The following ALLC variants were observed in gnomAD, a reference collection of about 807,000 sequenced individuals.
ALLC encodes the protein allantoicase, also known as probable inactive allantoicase.
ALLC carries 40 observed loss-of-function variants against 45.0 expected under a neutral mutation model. That is an observed-to-expected ratio of 0.89 (90% confidence interval 0.69 to 1.16). The LOEUF is 1.16. ALLC is among the 50% of genes most tolerant of loss of function. ALLC has a pLI of 0.00. For synonymous variants in ALLC, 176 were observed against 178.1 expected (o/e 0.99, Z 0.09); for missense variants, 488 against 493.1 (o/e 0.99, Z 0.10).
At chr2:3,646,466 T>G in the ALLC span, among the ~76,000 whole-genome samples, 2 of 152,216 alleles carry the variant, frequency 1.3e-5, no homozygotes, top group African/African-American at 4.8e-5. Flanking sequence ...CTCCTTGAAT[T>G]TAATTCTCAT....
Position 3,680,089 on chromosome 2 carries a change from C to T in ALLC, c.298+95C>T, listed in dbSNP as rs1189774955. The T allele has an allele frequency of 6.5e-7, 1 of 1,549,956 alleles. No homozygotes were observed. Among genetic ancestry groups the T allele is most frequent in the Admixed American group, 1.7e-5 (1 of 58,132 alleles). On this transcript the variant is annotated intron_variant, in intron 5 of 11. Coordinates refer to ENST00000252505, the MANE Select transcript of ALLC (RefSeq NM_018436.4). The surrounding 1 kb of genome is among the most constrained non-coding windows in gnomAD (Gnocchi z 4.0). ...CCACAACTGCTCACTTTCCCTACCA[C>T]CCAGACAGCTTCAGGCGCTTGACTA...
At chr2:3,655,650 G>A (rs543323946), upstream of ALLC, among the ~76,000 whole-genome samples, 22 of 152,132 alleles carry the variant, frequency 1.4e-4, no homozygotes, top group African/African-American at 5.1e-4. Flanking sequence ...TTCAGAGATG[G>A]GGTCTCACTG....
intron 6 of ALLC, among the ~76,000 whole-genome samples, chr2:3,682,324 C>A (rs972153478): frequency 2.0e-5 from 3 of 152,124 alleles, no homozygotes; most frequent in African/African-American, 4.8e-5. Flanking sequence ...TGAATGTTCA[C>A]CTCACCACAC....
intron 1 of ALLC, among the ~76,000 whole-genome samples, chr2:3,665,941 G>A (rs1215290081): frequency 6.6e-6 from 1 of 152,172 alleles, no homozygotes; most frequent in Non-Finnish European, 1.5e-5. Context: ...TTGAGAAAGG[G>A]TATAAATGCT....
At chr2:3,695,363 T>G in intron 7 of ALLC, 1 of 254,048 alleles carries the variant, frequency 3.9e-6, no homozygotes, top group Admixed American at 5.1e-5. Flanking sequence ...ATTAGAGCTC[T>G]GGAGTAAATA....
At chr2:3,699,170 C>G (rs60852959) in intron 10 of ALLC, among the ~76,000 whole-genome samples, 1 of 151,992 alleles carries the variant, frequency 6.6e-6, no homozygotes, top group Admixed American at 6.5e-5. Context: ...TGCCTGATCT[C>G]CCTCCTCCCA....
the ALLC span, among the ~76,000 whole-genome samples, chr2:3,651,443 T>TGTGTGTGTGTGTG: frequency 3.0e-4 from 5 of 16,808 alleles, no homozygotes; most frequent in East Asian, 1.7e-3. Context: ...GTGTGTGTGT[T>TGTGTGTGTGTGTG]AGGAAGGGAG....
chr2:3,649,386 C>A, the ALLC span, among the ~76,000 whole-genome samples: 1 of 152,074 alleles, frequency 6.6e-6, no homozygotes, highest in East Asian at 1.9e-4. Flanking sequence ...GGTCTACAGG[C>A]GCCCGCCACC....
intron 7 of ALLC, among the ~76,000 whole-genome samples, chr2:3,693,896 C>A (rs1365373560): frequency 1.3e-5 from 2 of 151,942 alleles, no homozygotes; most frequent in African/African-American, 4.8e-5. Flanking sequence ...GCTGAGGCAG[C>A]AGAATCGCCT....
At chr2:3,702,279 C>A in intron 11 of ALLC, 84 bp from the exon 12 acceptor site, 1 of 1,237,084 alleles carries the variant, frequency 8.1e-7, no homozygotes, top group Non-Finnish European at 1.1e-6. Context: ...AAGTCTAAGC[C>A]AAAGGTTTGC....
chr2:3,672,227 A>G lies in ALLC; in HGVS notation c.33+1037A>G, dbSNP rs1262855898. Among the ~76,000 whole-genome samples the G allele has an allele frequency of 3.6e-4, 27 of 75,052 alleles. 2 individuals carry two copies. The highest frequency in any genetic ancestry group is 1.8e-3 in the Admixed American group (14 of 7,776). The allele number at this position is 75,052 out of a possible 152,430, so 49.2% of individuals were successfully genotyped here. ...GGAGGTCCTCTGGTTCTGGTTAGAT[A>G]GGAGGTCCTCTGGCTCTGGTTAGAT... On this transcript the variant is annotated intron_variant, in intron 2 of 11. Transcript: ENST00000252505.
At chr2:3,678,323 T>C in intron 3 of ALLC, 145 bp from the exon 4 acceptor site, 1 of 635,972 alleles carries the variant, frequency 1.6e-6, no homozygotes, top group South Asian at 1.9e-5. Flanking sequence ...TGGAAGGGGC[T>C]AGCTGGGCAT....
In ALLC at chr2:3,697,332, C is replaced by T. The variant is rs768773678; in HGVS notation, c.742-16C>T. ...CTCCAAGTTCGTTTACCATTTTCTTCTCTTCTGAATTCCAGAATGATGAGA... is the reference window on the plus strand; with the variant it reads ...CTCCAAGTTCGTTTACCATTTTCTTTTCTTCTGAATTCCAGAATGATGAGA... On this transcript the variant is annotated splice_polypyrimidine_tract_variant and intron_variant, in intron 9 of 11. Transcript: ENST00000252505. 8.1e-6 allele frequency: 13 copies of T among 1,607,934 alleles called. No individual in the cohort carries two copies. In the East Asian group the frequency reaches 1.3e-4, roughly 17 times the overall value.
Position 3,667,648 on chromosome 2 carries a change from C to T in ALLC, c.-62-3448C>T, listed in dbSNP as rs544359407. 1.4e-3 allele frequency among the ~76,000 whole-genome samples: 216 copies of T among 152,288 alleles called. 1 individual carries two copies. Among genetic ancestry groups the T allele is most frequent in the African/African-American group, 2.7e-3 (111 of 41,546 alleles). On this transcript the variant is annotated intron_variant, in intron 1 of 11. Coordinates refer to ENST00000252505, the MANE Select transcript of ALLC (RefSeq NM_018436.4). ...TGAGATAAACTGTATGAACAGCGCA[C>T]GACATTCCTGTGAACTCACAGTAAA...
chr2:3,692,548 T>A (rs1667551194), intron 7 of ALLC, among the ~76,000 whole-genome samples: 1 of 152,218 alleles, frequency 6.6e-6, no homozygotes, highest in South Asian at 2.1e-4. Flanking sequence ...GCTGCCTACT[T>A]TTCAGCACTA....
Position 3,682,926 on chromosome 2 carries a change from C to T in ALLC, c.379-16C>T. 6.2e-7 allele frequency: 1 copy of T among 1,612,106 alleles called. No individual in the cohort carries two copies. Among genetic ancestry groups the T allele is most frequent in the Non-Finnish European group, 8.5e-7 (1 of 1,179,302 alleles). ...TTTTCAAGAGCAATTGCTGACATTT[C>T]TATATTTATTGCTAGCTAAAATCCG... On this transcript the variant is annotated splice_polypyrimidine_tract_variant and intron_variant, in intron 6 of 11. Transcript: ENST00000252505.
the ALLC span, among the ~76,000 whole-genome samples, chr2:3,651,616 C>G: frequency 4.6e-5 from 7 of 151,892 alleles, no homozygotes; most frequent in Non-Finnish European, 8.8e-5. Context: ...GTAGACCTGA[C>G]GACCGAAAGA....
upstream of ALLC, among the ~76,000 whole-genome samples, chr2:3,654,500 G>A (rs1666399907): frequency 1.3e-5 from 2 of 152,236 alleles, no homozygotes; most frequent in Admixed American, 6.5e-5. Context: ...CTAGGAGGCT[G>A]CCCAAGCTTG....
chr2:3,692,792 C>A (rs1376825828), intron 7 of ALLC, among the ~76,000 whole-genome samples: 1 of 152,144 alleles, frequency 6.6e-6, no homozygotes, highest in East Asian at 1.9e-4. Flanking sequence ...GGGGATGTCT[C>A]ACCCTCAGTG....
Sources: allele counts gnomAD v4.1 joint callset (sites outside exome capture counted in the v4.1 genomes callset), GRCh38; gene constraint gnomAD v4.1.1; non-coding constraint Gnocchi (gnomAD v3.1); transcripts MANE v1.5; gene names NCBI Gene and HGNC (gene_info 2026-07-23, HGNC 2026-07-21).